Variants in SAMMSON observed in about 807,000 individuals in gnomAD.
The protein encoded by SAMMSON is long intergenic non-protein coding RNA 1212.
intron 4 of SAMMSON, among the ~76,000 whole-genome samples, chr3:70,238,173 T>G (rs560991394): frequency 6.6e-6 from 1 of 151,892 alleles, no homozygotes; most frequent in East Asian, 1.9e-4. Context: ...AGGATGCTTG[T>G]GAGACTCGCA....
chr3:70,427,654 C>T (rs953657081), intron 2 of SAMMSON, among the ~76,000 whole-genome samples: 2 of 150,274 alleles, frequency 1.3e-5, no homozygotes, highest in Non-Finnish European at 2.9e-5. Flanking sequence ...AGGAGAATGG[C>T]ATGAACCCGG....
intron 4 of SAMMSON, among the ~76,000 whole-genome samples, chr3:70,224,302 T>A (rs958711037): frequency 3.3e-5 from 5 of 152,206 alleles, no homozygotes; most frequent in African/African-American, 1.2e-4. Flanking sequence ...ACTGCAATGG[T>A]GGATAAATCC....
intron 4 of SAMMSON, among the ~76,000 whole-genome samples, chr3:70,082,816 G>T (rs1420321780): frequency 1.3e-5 from 2 of 152,166 alleles, no homozygotes; most frequent in Non-Finnish European, 2.9e-5. Context: ...CCATGTACTG[G>T]TTTTAAAGTA....
At chr3:70,068,755 C>T (rs920892536) in intron 3 of SAMMSON, 10 of 151,976 alleles carry the variant, frequency 6.6e-5, no homozygotes, top group African/African-American at 2.4e-4. Flanking sequence ...GAGGATTTCT[C>T]GAGTCACAGT....
intron 3 of SAMMSON, among the ~76,000 whole-genome samples, chr3:70,016,787 T>G (rs1397463534): frequency 6.6e-6 from 1 of 152,204 alleles, no homozygotes; most frequent in African/African-American, 2.4e-5. Flanking sequence ...AGAGATCCAC[T>G]TTCAGCTTTC....
chr3:70,022,051 G>T (rs1299143865), intron 3 of SAMMSON, among the ~76,000 whole-genome samples: 3 of 152,106 alleles, frequency 2.0e-5, no homozygotes, highest in Non-Finnish European at 4.4e-5. Flanking sequence ...AGTATTAGTA[G>T]TGCTTGCTGG....
intron 4 of SAMMSON, among the ~76,000 whole-genome samples, chr3:70,188,754 G>A (rs984405407): frequency 1.3e-5 from 2 of 152,184 alleles, no homozygotes; most frequent in African/African-American, 2.4e-5. Flanking sequence ...ACCCAATAGG[G>A]TAGGTATTAT....
At chr3:70,151,117 A>G (rs1301607618) in intron 4 of SAMMSON, among the ~76,000 whole-genome samples, 1 of 150,346 alleles carries the variant, frequency 6.7e-6, no homozygotes, top group Non-Finnish European at 1.5e-5. Flanking sequence ...GAACTGGTTA[A>G]ACAGGTATGA....
intron 4 of SAMMSON, among the ~76,000 whole-genome samples, chr3:70,223,848 A>G (rs557554657): frequency 2.0e-5 from 3 of 152,188 alleles, no homozygotes; most frequent in African/African-American, 7.2e-5. Flanking sequence ...GCACCCTTTT[A>G]GACTTAATCT....
At chr3:70,053,715 T>C (rs1235528735) in intron 3 of SAMMSON, among the ~76,000 whole-genome samples, 2 of 152,180 alleles carry the variant, frequency 1.3e-5, no homozygotes, top group African/African-American at 4.8e-5. Context: ...GGTTTCCCAT[T>C]ATACTACATA....
intron 2 of SAMMSON, among the ~76,000 whole-genome samples, chr3:70,416,737 A>AACC (rs1559584813): frequency 1.3e-5 from 2 of 152,124 alleles, no homozygotes; most frequent in East Asian, 3.9e-4. Flanking sequence ...AGGGATCTAT[A>AACC]TCACCAGCAT....
At chr3:70,185,280 C>T (rs1037935287) in intron 4 of SAMMSON, among the ~76,000 whole-genome samples, 1 of 152,148 alleles carries the variant, frequency 6.6e-6, no homozygotes, top group Non-Finnish European at 1.5e-5. Context: ...TGGCATATAT[C>T]TTATCCCATG....
intron 4 of SAMMSON, among the ~76,000 whole-genome samples, chr3:70,101,565 T>G (rs2106654585): frequency 6.6e-6 from 1 of 152,306 alleles, no homozygotes; most frequent in South Asian, 2.1e-4. Flanking sequence ...AATTTTTTAG[T>G]GTTTTTGAGA....
rs950773999 is a variant in SAMMSON, at chr3:70,042,512, A to G, written n.417+28840A>G. ...TAAAAAAACCTTTGAGAGACTACTGATGTGAGAATACTATATGCTTGCTAG... is the reference window on the plus strand; with the variant it reads ...TAAAAAAACCTTTGAGAGACTACTGGTGTGAGAATACTATATGCTTGCTAG... On this transcript the variant is annotated intron_variant and non_coding_transcript_variant, in intron 3 of 9. Transcript: ENST00000642114. Among the ~76,000 whole-genome samples, 117 of 152,152 alleles carry G rather than the reference A, an allele frequency of 7.7e-4. 1 individual carries two copies. The highest frequency in any genetic ancestry group is 6.8e-3 in the Middle Eastern group (2 of 294).
intron 3 of SAMMSON, among the ~76,000 whole-genome samples, chr3:70,027,409 G>C (rs2107582643): frequency 6.6e-6 from 1 of 152,256 alleles, no homozygotes; most frequent in East Asian, 1.9e-4. Flanking sequence ...GTGAGCAAGA[G>C]GTGGACTAAA....
At chr3:70,026,885 A>T (rs1261377864) in intron 3 of SAMMSON, among the ~76,000 whole-genome samples, 3 of 152,182 alleles carry the variant, frequency 2.0e-5, no homozygotes, top group Non-Finnish European at 4.4e-5. Context: ...GATTAAACCC[A>T]GTTAAAGAAG....
intron 4 of SAMMSON, among the ~76,000 whole-genome samples, chr3:70,122,670 A>T (rs530065898): frequency 6.6e-6 from 1 of 152,392 alleles, no homozygotes; most frequent in African/African-American, 2.4e-5. Flanking sequence ...AAAGCTGTGA[A>T]ACAGAAGATT....
intron 3 of SAMMSON, among the ~76,000 whole-genome samples, chr3:70,055,067 A>G (rs533273314): frequency 6.6e-6 from 1 of 152,038 alleles, no homozygotes; most frequent in Non-Finnish European, 1.5e-5. Context: ...GTTTTTTTAA[A>G]TGTCCTTATA....
At chr3:70,198,117 A>G (rs1248666335) in intron 4 of SAMMSON, among the ~76,000 whole-genome samples, 1 of 152,220 alleles carries the variant, frequency 6.6e-6, no homozygotes, top group East Asian at 1.9e-4. Flanking sequence ...GTAAAAGGGT[A>G]GGTAAGTGTT....
Sources: allele counts gnomAD v4.1 joint callset (sites outside exome capture counted in the v4.1 genomes callset), GRCh38; gene constraint gnomAD v4.1.1; transcripts MANE v1.5; gene names NCBI Gene and HGNC (gene_info 2026-07-23, HGNC 2026-07-21).